DLG2: variants seen among roughly 807,000 people sequenced by gnomAD.
The protein encoded by DLG2 is disks large homolog 2.
In DLG2, 45 loss-of-function variants were observed where a neutral mutation model predicts 132.5. The ratio of observed to expected loss-of-function variants is 0.34; its 90% CI spans 0.27 to 0.44. The LOEUF is 0.44. Among genes scored for constraint, DLG2 ranks in the 20% least tolerant of loss-of-function variants. The pLI, the probability that DLG2 is intolerant of heterozygous loss-of-function variation, is 1.00. For synonymous variants in DLG2, 424 were observed against 419.6 expected (o/e 1.01, Z -0.13); for missense variants, 1,045 against 1,196.9 (o/e 0.87, Z 1.87).
intron 19 of DLG2, among the ~76,000 whole-genome samples, chr11:83,615,692 G>A (rs2060697877): frequency 6.6e-6 from 1 of 152,218 alleles, no homozygotes. Context: ...ACTTGCAATT[G>A]TTGATTCTGA....
intron 19 of DLG2, among the ~76,000 whole-genome samples, chr11:83,617,551 C>T (rs1253760936): frequency 6.6e-6 from 1 of 152,088 alleles, no homozygotes; most frequent in Non-Finnish European, 1.5e-5. Flanking sequence ...TTTAAACATA[C>T]AGAATTATGT....
At chr11:85,195,700 GT>G (rs2081005931) in intron 4 of DLG2, among the ~76,000 whole-genome samples, 1 of 151,146 alleles carries the variant, frequency 6.6e-6, no homozygotes, top group Non-Finnish European at 1.5e-5. Flanking sequence ...ATTTTTTTTT[GT>G]ATTTTTAGTA....
intron 21 of DLG2, among the ~76,000 whole-genome samples, chr11:83,501,538 A>G (rs2094453487): frequency 6.6e-6 from 1 of 152,234 alleles, no homozygotes; most frequent in Non-Finnish European, 1.5e-5. Flanking sequence ...AAGACAGTGC[A>G]TAGACCAGTT....
At chr11:85,107,175 TATG>T (rs1428052616) in intron 6 of DLG2, among the ~76,000 whole-genome samples, 2 of 151,984 alleles carry the variant, frequency 1.3e-5, no homozygotes, top group African/African-American at 4.8e-5. Context: ...TAGCAATGTC[TATG>T]ATAAGTTCCA....
chr11:85,500,984 A>G (rs1285267142), intron 3 of DLG2, among the ~76,000 whole-genome samples: 5 of 152,232 alleles, frequency 3.3e-5, no homozygotes, highest in Non-Finnish European at 7.3e-5. Flanking sequence ...AGGAAGAACA[A>G]AGCTGGAGGC....
intron 6 of DLG2, among the ~76,000 whole-genome samples, chr11:84,622,650 T>C (rs938955136): frequency 2.0e-5 from 3 of 152,134 alleles, no homozygotes; most frequent in African/African-American, 7.2e-5. Flanking sequence ...TAGCTTGTGA[T>C]TGAAGGATGA....
intron 17 of DLG2, among the ~76,000 whole-genome samples, chr11:83,796,064 A>G (rs1194781284): frequency 1.3e-5 from 2 of 152,224 alleles, no homozygotes; most frequent in African/African-American, 2.4e-5. Flanking sequence ...TAAAAGTCAG[A>G]TCTCTGCTTA....
chr11:85,471,748 G>A (rs1379802468), intron 3 of DLG2, among the ~76,000 whole-genome samples: 2 of 152,032 alleles, frequency 1.3e-5, no homozygotes, highest in African/African-American at 4.8e-5. Context: ...GTCCCAGAAA[G>A]CAAATAGCAA....
chr11:84,750,568 T>C (rs544229840), intron 6 of DLG2, among the ~76,000 whole-genome samples: 2 of 152,120 alleles, frequency 1.3e-5, no homozygotes, highest in African/African-American at 4.8e-5. Flanking sequence ...TTTTTAATAG[T>C]TATTGAAAAA....
At chr11:84,219,161 C>G (rs1291933342) in intron 8 of DLG2, among the ~76,000 whole-genome samples, 1 of 152,210 alleles carries the variant, frequency 6.6e-6, no homozygotes, top group Non-Finnish European at 1.5e-5. Context: ...TTAGCTGGCA[C>G]AATCCTACTA....
intron 9 of DLG2, among the ~76,000 whole-genome samples, chr11:84,128,161 T>C (rs764534856): frequency 2.0e-5 from 3 of 152,130 alleles, no homozygotes; most frequent in Non-Finnish European, 4.4e-5. Flanking sequence ...AGCCATTTAA[T>C]AGGGGTAGAG....
At chr11:84,999,219 G>T (rs977482439) in intron 6 of DLG2, among the ~76,000 whole-genome samples, 1 of 151,972 alleles carries the variant, frequency 6.6e-6, no homozygotes, top group African/African-American at 2.4e-5. Context: ...GTGTGAAAGG[G>T]CATCCTACAT....
rs1467453318 is a variant in DLG2, at chr11:84,130,707, C to T, written c.625-31660G>A. ...GTGTCCAACTTGTGACCTAAATGGTCGTAACAGCAGAAATAAACCACTGCT... is the reference window on the plus strand; with the variant it reads ...GTGTCCAACTTGTGACCTAAATGGTTGTAACAGCAGAAATAAACCACTGCT... On this transcript the variant is annotated intron_variant, in intron 9 of 27. Coordinates refer to ENST00000376104, the MANE Select transcript of DLG2 (RefSeq NM_001142699.3). Among the ~76,000 whole-genome samples the T allele has an allele frequency of 5.3e-5, 8 of 151,652 alleles. No homozygotes were observed. The East Asian group carries it at 1.2e-3, about 22-fold the overall frequency.
intron 6 of DLG2, among the ~76,000 whole-genome samples, chr11:85,056,293 T>C (rs1460745146): frequency 6.6e-6 from 1 of 152,004 alleles, no homozygotes; most frequent in Non-Finnish European, 1.5e-5. Context: ...ATGTAGAAAG[T>C]AGCAAATTTC....
At chr11:85,488,988 A>G (rs1357819589) in intron 3 of DLG2, among the ~76,000 whole-genome samples, 1 of 152,194 alleles carries the variant, frequency 6.6e-6, no homozygotes. Context: ...GAATTCTACC[A>G]AACCACAATG....
chr11:83,546,223 T>G, intron 19 of DLG2, among the ~76,000 whole-genome samples: 1 of 152,100 alleles, frequency 6.6e-6, no homozygotes, highest in Non-Finnish European at 1.5e-5. Context: ...AAATAGTGCT[T>G]TTTAGGTGTC....
rs531069860 is a variant in DLG2 at position 85,047,754 on chromosome 11, G to GA, written c.357+63906dup. ...AGTATCATTTTTAAAATTCAAGTAGGAAAAAAACTAAATAAAAAATGAATG... is the reference window on the plus strand; with the variant it reads ...AGTATCATTTTTAAAATTCAAGTAGGAAAAAAAACTAAATAAAAAATGAATG... On this transcript the variant is annotated intron_variant, in intron 6 of 27. Coordinates refer to ENST00000376104, the MANE Select transcript of DLG2 (RefSeq NM_001142699.3). Among the ~76,000 whole-genome samples the GA allele has an allele frequency of 1.7e-4, 26 of 151,528 alleles. 2 individuals are homozygous for GA. The South Asian group carries it at 5.4e-3, about 32-fold the overall frequency.
chr11:85,246,815 C>A (rs2076156305), intron 4 of DLG2, among the ~76,000 whole-genome samples: 1 of 152,012 alleles, frequency 6.6e-6, no homozygotes, highest in African/African-American at 2.4e-5. Flanking sequence ...AAGTCTATAT[C>A]CAATCTGAAG....
intron 4 of DLG2, among the ~76,000 whole-genome samples, chr11:85,225,880 A>G (rs1224843193): frequency 1.3e-5 from 2 of 152,142 alleles, no homozygotes; most frequent in Non-Finnish European, 2.9e-5. Flanking sequence ...TCTGAATGTC[A>G]TACAGATACT....
Sources: allele counts gnomAD v4.1 joint callset (sites outside exome capture counted in the v4.1 genomes callset), GRCh38; gene constraint gnomAD v4.1.1; transcripts MANE v1.5; gene names NCBI Gene and HGNC (gene_info 2026-07-23, HGNC 2026-07-21).